PTK2: variants seen among roughly 807,000 people sequenced by gnomAD.
The protein encoded by PTK2 is focal adhesion kinase 1.
In PTK2, 45 loss-of-function variants were observed where a neutral mutation model predicts 150.1. The observed-to-expected ratio is 0.30, with a 90% CI of 0.24 to 0.38. The LOEUF (loss-of-function observed/expected upper bound fraction) is 0.38. Among genes scored for constraint, PTK2 ranks in the 10% least tolerant of loss-of-function variants. PTK2 has a pLI of 1.00. For missense variants in PTK2, 919 were observed against 1,307.3 expected, an observed-to-expected ratio of 0.70 and a Z score of 4.58; for synonymous variants, 432 against 449.2, an observed-to-expected ratio of 0.96 and a Z score of 0.48.
intron 4 of PTK2, among the ~76,000 whole-genome samples, chr8:140,875,683 A>G (rs933476155): frequency 6.6e-6 from 1 of 152,152 alleles, no homozygotes; most frequent in Non-Finnish European, 1.5e-5. Context: ...GTTTCTCACA[A>G]CTTCTATTAT....
chr8:140,837,157 A>G (rs950951621), intron 7 of PTK2, among the ~76,000 whole-genome samples: 1 of 152,222 alleles, frequency 6.6e-6, no homozygotes, highest in Non-Finnish European at 1.5e-5. Context: ...TGATGTAAAT[A>G]AAAGTCTTGT....
chr8:140,876,266 T>A (rs1380273375), intron 4 of PTK2, among the ~76,000 whole-genome samples: 1 of 152,224 alleles, frequency 6.6e-6, no homozygotes, highest in East Asian at 1.9e-4. Flanking sequence ...TTGTAAGAGG[T>A]TCCTTTGGTG....
chr8:140,745,283 T>C (rs562405312), intron 18 of PTK2, among the ~76,000 whole-genome samples: 1 of 152,366 alleles, frequency 6.6e-6, no homozygotes. Context: ...AACAGTCATG[T>C]TGGGTATTTA....
chr8:140,669,790 A>G (rs768635431), intron 29 of PTK2, 55 bp from the exon 33 acceptor site: 29 of 1,488,530 alleles, frequency 1.9e-5, no homozygotes, highest in Non-Finnish European at 2.4e-5. Context: ...GAGAAAGGGA[A>G]AAAAGAAAAA....
chr8:140,725,486 G>C (rs2100045207), intron 22 of PTK2, among the ~76,000 whole-genome samples: 1 of 152,180 alleles, frequency 6.6e-6, no homozygotes, highest in Non-Finnish European at 1.5e-5. Flanking sequence ...GCACTGGGTG[G>C]GTCCCCACTT....
At chr8:140,670,504 C>A (rs1589219616) in intron 29 of PTK2, among the ~76,000 whole-genome samples, 1 of 49,952 alleles carries the variant, frequency 2.0e-5, no homozygotes, top group African/African-American at 5.1e-5. Context: ...CACACACACA[C>A]ACACACACAC....
intron 1 of PTK2, among the ~76,000 whole-genome samples, chr8:140,933,267 G>GA (rs768900973): frequency 2.6e-4 from 39 of 150,292 alleles, no homozygotes; most frequent in Non-Finnish European, 3.4e-4. Flanking sequence ...ATTTCCTTTA[G>GA]AAAAAAACAG....
intron 5 of PTK2, among the ~76,000 whole-genome samples, chr8:140,847,699 T>C (rs2100126450): frequency 6.6e-6 from 1 of 152,242 alleles, no homozygotes; most frequent in Non-Finnish European, 1.5e-5. Flanking sequence ...TGTACTTTCA[T>C]AATACCCTGC....
At chr8:140,692,483 G>T (rs565082889) in intron 26 of PTK2, among the ~76,000 whole-genome samples, 15 of 152,190 alleles carry the variant, frequency 9.9e-5, no homozygotes, top group Admixed American at 2.0e-4. Context: ...CGGGCATGGT[G>T]GCAGGCACCT....
chr8:140,827,508 C>A (rs2100112500), intron 8 of PTK2, among the ~76,000 whole-genome samples: 1 of 152,058 alleles, frequency 6.6e-6, no homozygotes, highest in South Asian at 2.1e-4. Flanking sequence ...TCTTAAGATA[C>A]CTGCACAAAT....
intron 27 of PTK2, among the ~76,000 whole-genome samples, chr8:140,678,034 G>A (rs1334622116): frequency 6.6e-6 from 1 of 152,138 alleles, no homozygotes; most frequent in Non-Finnish European, 1.5e-5. Context: ...GGAACTACAC[G>A]TTTTTTGGTA....
Position 140,711,106 on chromosome 8 carries a change from T to A in PTK2, c.2143-4901A>T, listed in dbSNP as rs561196165. ...GCATGTGCAATCACACCCAGCTAAT[T>A]TTTATATTTTTATTTTTTGAGATGG... On this transcript the variant is annotated intron_variant, in intron 23 of 31. Transcript: ENST00000522684. Among the ~76,000 whole-genome samples the A allele has an allele frequency of 3.3e-5, 5 of 151,646 alleles. No individual in the cohort carries two copies. In the South Asian group the frequency reaches 6.3e-4, roughly 19 times the overall value.
At position 140,902,924 on chromosome 8, in the gene PTK2, G is replaced by GTTTTTTGTTTTTTTT. The variant is rs2100159140; in HGVS notation, c.-32-12156_-32-12155insAAAAAAAACAAAAAA. Among the ~76,000 whole-genome samples the GTTTTTTGTTTTTTTT allele has an allele frequency of 3.6e-4, 21 of 58,946 alleles. 3 individuals are homozygous for GTTTTTTGTTTTTTTT. The highest frequency in any genetic ancestry group is 6.8e-4 in the Admixed American group (3 of 4,396). 38.7% of individuals were successfully genotyped at this position (58,946 alleles called of 152,430 possible). A position where few individuals can be genotyped will look rare whatever the true frequency, so the allele number is the denominator to read the frequency against. On this transcript the variant is annotated intron_variant, in intron 2 of 31. Coordinates refer to ENST00000522684, the Ensembl canonical transcript of PTK2. ...TTGCCTGTTCACTCTGATGAGAGTT[G>GTTTTTTGTTTTTTTT]TTTTTTTTTTTTTTTTTTTTTTTTT...
At chr8:140,861,742 C>T (rs2154605663) in intron 5 of PTK2, among the ~76,000 whole-genome samples, 1 of 152,276 alleles carries the variant, frequency 6.6e-6, no homozygotes, top group South Asian at 2.1e-4. Flanking sequence ...CAAAGAGACT[C>T]AGAGGTACCT....
At chr8:140,754,622 G>C (rs189044864) in intron 16 of PTK2, among the ~76,000 whole-genome samples, 11 of 152,262 alleles carry the variant, frequency 7.2e-5, no homozygotes, top group Admixed American at 2.0e-4. Flanking sequence ...GACAGTCTAA[G>C]GAAATGCAAA....
chr8:140,701,266 TAACAC>T (rs2100030261), intron 25 of PTK2, among the ~76,000 whole-genome samples: 2 of 152,020 alleles, frequency 1.3e-5, no homozygotes, highest in Non-Finnish European at 2.9e-5. Context: ...TTTAAAGAAA[TAACAC>T]AAGATATGTG....
At chr8:140,834,935 TAGAG>T (rs764552597) in intron 7 of PTK2, among the ~76,000 whole-genome samples, 4 of 152,336 alleles carry the variant, frequency 2.6e-5, no homozygotes, top group Non-Finnish European at 4.4e-5. Context: ...GGAAAATCCT[TAGAG>T]AGCTCTGCCC....
At chr8:140,669,600 A>G in intron 29 of PTK2, 127 bp downstream of exon 33, 2 of 998,526 alleles carry the variant, frequency 2.0e-6, no homozygotes, top group South Asian at 1.5e-5. Flanking sequence ...GTCAGTCATG[A>G]GAGGTGACAA....
intron 2 of PTK2, among the ~76,000 whole-genome samples, chr8:140,924,272 G>A (rs2100168630): frequency 6.6e-6 from 1 of 152,030 alleles, no homozygotes; most frequent in South Asian, 2.1e-4. Context: ...ACTCAACAAG[G>A]CCTATCCAGA....
Sources: allele counts gnomAD v4.1 joint callset (sites outside exome capture counted in the v4.1 genomes callset), GRCh38; gene constraint gnomAD v4.1.1; transcripts MANE v1.5; gene names NCBI Gene and HGNC (gene_info 2026-07-23, HGNC 2026-07-21).